Variants in ART1 observed in about 807,000 individuals in gnomAD.
ART1 encodes GPI-linked NAD(P)(+)--arginine ADP-ribosyltransferase 1.
In ART1, 29 loss-of-function variants were observed where a neutral mutation model predicts 27.0. The ratio of observed to expected loss-of-function variants is 1.08; its 90% CI spans 0.80 to 1.47. The LOEUF is 1.47. ART1 is among the 40% of genes most tolerant of loss of function. The pLI is 0.00. For synonymous variants in ART1, 201 were observed against 172.2 expected (o/e 1.17, Z -1.31); for missense variants, 480 against 423.0 (o/e 1.13, Z -1.18).
chr11:3,655,825 A>C (rs1204664092), intron 1 of ART1, among the ~76,000 whole-genome samples: 1 of 150,898 alleles, frequency 6.6e-6, no homozygotes, highest in Non-Finnish European at 1.5e-5. Flanking sequence ...GAAAAGCCCC[A>C]CCTGAGCCCA....
At chr11:3,648,624 C>T (rs917252523) in intron 1 of ART1, among the ~76,000 whole-genome samples, 3 of 152,168 alleles carry the variant, frequency 2.0e-5, no homozygotes, top group South Asian at 4.1e-4. Context: ...CCCAAAACTC[C>T]GGCGCCGGTC....
At chr11:3,664,049 T>TC (rs1564787341) in intron 4 of ART1, 43 bp from the exon 5 acceptor site, 4 of 1,592,010 alleles carry the variant, frequency 2.5e-6, no homozygotes, top group Non-Finnish European at 2.6e-6. Context: ...ACCTCTTTTT[T>TC]TCTCTCTCTC....
intron 1 of ART1, among the ~76,000 whole-genome samples, chr11:3,656,906 C>G (rs1385978019): frequency 1.3e-5 from 2 of 152,130 alleles, no homozygotes; most frequent in African/African-American, 4.8e-5. Context: ...AGATAATGAG[C>G]TCCATTTTGG....
chr11:3,657,142 G>A (rs967624142), intron 1 of ART1, among the ~76,000 whole-genome samples: 1 of 152,196 alleles, frequency 6.6e-6, no homozygotes, highest in Admixed American at 6.5e-5. Flanking sequence ...AATGAGATTG[G>A]GGGCAGAGGC....
intron 1 of ART1, among the ~76,000 whole-genome samples, chr11:3,654,897 C>A (rs1184818229): frequency 6.6e-6 from 1 of 152,060 alleles, no homozygotes; most frequent in Non-Finnish European, 1.5e-5. Flanking sequence ...TCTGATGTAT[C>A]TTGTTTATTG....
rs776501299 is a variant in ART1, at chr11:3,659,734, A to T, written c.215A>T (p.Asn72Ile). Residue 72 changes from asparagine (N) to isoleucine (I), a missense_variant, in exon 3 of 5, where the codon AAC becomes ATC. Physicochemically the swap from Asn to Ile is moderately radical, Grantham distance 149. Coordinates refer to ENST00000250693, the MANE Select transcript of ART1 (RefSeq NM_004314.3). Reference sequence around the variant, plus strand: ...CTCAACCACACGGAGTTCCAGGCCAACCAGGTGTATGCAGACAGCTGGACA... The same window carrying T: ...CTCAACCACACGGAGTTCCAGGCCATCCAGGTGTATGCAGACAGCTGGACA... ...PDLNHTEFQA[N>I]QVYADSWTLA... is the part of the protein sequence containing the mutation. The T allele has an allele frequency of 4.8e-5, 77 of 1,613,888 alleles. No homozygotes were observed. The highest frequency in any genetic ancestry group is 6.2e-5 in the Non-Finnish European group (73 of 1,180,002).
At chr11:3,655,037 C>A (rs929072987) in intron 1 of ART1, among the ~76,000 whole-genome samples, 3 of 152,208 alleles carry the variant, frequency 2.0e-5, no homozygotes, top group Admixed American at 1.3e-4. Flanking sequence ...CATTTACTCC[C>A]AGGCTCATGG....
intron 1 of ART1, among the ~76,000 whole-genome samples, chr11:3,651,331 C>A (rs952742975): frequency 4.6e-5 from 7 of 151,236 alleles, no homozygotes; most frequent in African/African-American, 7.4e-5. Flanking sequence ...CCCATTACTT[C>A]AGTCAAGCCC....
At position 3,661,356 on chromosome 11, in the gene ART1, T is replaced by C; in HGVS notation, c.845-16T>C. ...AGCTCCTGAGCCTTTCATTCTTTAC[T>C]GTTTCTTTTCTATAGACAAGAAGTG... On this transcript the variant is annotated splice_polypyrimidine_tract_variant and intron_variant, in intron 3 of 4. Transcript: ENST00000250693. 1 of 1,610,424 alleles carries C rather than the reference T, an allele frequency of 6.2e-7. No homozygotes were observed. The highest frequency in any genetic ancestry group is 8.5e-7 in the Non-Finnish European group (1 of 1,178,926).
intron 1 of ART1, among the ~76,000 whole-genome samples, chr11:3,647,137 A>G (rs2077474603): frequency 6.6e-6 from 1 of 152,108 alleles, no homozygotes; most frequent in Admixed American, 6.5e-5. Context: ...CAGCCTGACC[A>G]ACGTGGAGAA....
chr11:3,651,652 A>G (rs930910697), intron 1 of ART1, among the ~76,000 whole-genome samples: 2 of 151,756 alleles, frequency 1.3e-5, no homozygotes, highest in Non-Finnish European at 2.9e-5. Flanking sequence ...CACTCTTCAC[A>G]TTTCTCATAA....
At chr11:3,655,838 A>T (rs1481924103) in intron 1 of ART1, among the ~76,000 whole-genome samples, 1 of 151,514 alleles carries the variant, frequency 6.6e-6, no homozygotes, top group Admixed American at 6.6e-5. Flanking sequence ...TGAGCCCATG[A>T]CTGGATTCTA....
chr11:3,656,355 CTTATTTAT>C (rs759921970), intron 1 of ART1, among the ~76,000 whole-genome samples: 14,746 of 140,094 alleles, frequency 0.11, 789 homozygotes, highest in Non-Finnish European at 0.12. Context: ...TGTAGCCTGG[CTTATTTAT>C]TTATTTATTT....
At chr11:3,649,189 G>A (rs560567726) in intron 1 of ART1, among the ~76,000 whole-genome samples, 16 of 151,676 alleles carry the variant, frequency 1.1e-4, no homozygotes, top group Admixed American at 2.6e-4. Flanking sequence ...CCGTTCCTCC[G>A]TCTCCCTTAG....
chr11:3,651,132 A>G (rs534127074), intron 1 of ART1, among the ~76,000 whole-genome samples: 189 of 151,300 alleles, frequency 1.2e-3, no homozygotes, highest in African/African-American at 4.4e-3. Flanking sequence ...CCAAACCCAT[A>G]TACTCTCCTA....
intron 1 of ART1, among the ~76,000 whole-genome samples, chr11:3,655,003 C>T (rs1025549189): frequency 1.3e-5 from 2 of 152,228 alleles, no homozygotes; most frequent in Non-Finnish European, 2.9e-5. Flanking sequence ...TGCCGTGTGC[C>T]ACAAAATCTC....
chr11:3,649,861 G>C (rs560082581), intron 1 of ART1, among the ~76,000 whole-genome samples: 3 of 152,112 alleles, frequency 2.0e-5, no homozygotes, highest in Admixed American at 2.0e-4. Flanking sequence ...TTCATGGCTC[G>C]TTCGGCAGCA....
intron 1 of ART1, among the ~76,000 whole-genome samples, chr11:3,658,721 A>G (rs561755105): frequency 6.6e-6 from 1 of 152,232 alleles, no homozygotes; most frequent in East Asian, 1.9e-4. Context: ...CCCAAAACCC[A>G]CAACCCCTGC....
intron 1 of ART1, among the ~76,000 whole-genome samples, chr11:3,653,533 C>T (rs12293671): frequency 0.11 from 16,014 of 151,780 alleles, 916 homozygotes; most frequent in African/African-American, 0.13. Context: ...TATCTCCCTT[C>T]GCTGACTCTC....
Sources: gnomAD v4.1 joint callset for allele counts (sites outside exome capture counted in the v4.1 genomes callset) on GRCh38, gnomAD v4.1.1 for gene constraint, MANE v1.5 for transcripts, NCBI Gene and HGNC (gene_info 2026-07-23, HGNC 2026-07-21) for gene names.